Variants in ASTN2 observed in about 807,000 individuals in gnomAD.
ASTN2 encodes astrotactin-2.
In ASTN2, 54 loss-of-function variants were observed where a neutral mutation model predicts 139.8. The observed-to-expected ratio is 0.39, with a 90% CI of 0.31 to 0.48. The LOEUF is 0.48. Ranked by LOEUF, ASTN2 falls within the 20% of genes least tolerant of loss-of-function variation. ASTN2 has a pLI of 0.95. For missense variants in ASTN2, 1,565 were observed against 1,725.1 expected (o/e 0.91, Z 1.64); for synonymous variants, 756 against 719.5 (o/e 1.05, Z -0.81).
chr9:117,087,208 A>T (rs1054295650), intron 5 of ASTN2, among the ~76,000 whole-genome samples: 2 of 144,832 alleles, frequency 1.4e-5, no homozygotes, highest in African/African-American at 5.2e-5. Flanking sequence ...TTCCTTTTTC[A>T]TTTTTTTCTT....
chr9:116,737,992 AC>A (rs1054068976), intron 13 of ASTN2, among the ~76,000 whole-genome samples: 14 of 151,604 alleles, frequency 9.2e-5, no homozygotes, highest in African/African-American at 3.2e-4. Context: ...GGAGATCGAG[AC>A]CATCCTGGCT....
rs1435093218 is a variant in ASTN2 at position 116,699,482 on chromosome 9, C to G, written c.2806+26289G>C. 1 of 1,614,184 alleles carries G rather than the reference C, an allele frequency of 6.2e-7. No homozygotes were observed. ...ATGAGGATTTCCGCTGCATTGCTGG[C>G]ATGTGTGTGGATGCTCGTGGTGATC... is the stretch of plus-strand genomic sequence containing the variant. On this transcript the variant is annotated intron_variant, in intron 16 of 22. Coordinates refer to ENST00000313400, the MANE Select transcript of ASTN2 (RefSeq NM_001365068.1). This position sits in a 1 kb window ranked among gnomAD's most constrained non-coding sequence, Gnocchi z 4.2.
intron 5 of ASTN2, among the ~76,000 whole-genome samples, chr9:117,087,909 A>T (rs532149309): frequency 2.0e-5 from 3 of 152,336 alleles, no homozygotes; most frequent in African/African-American, 7.2e-5. Flanking sequence ...ATTACTGGAA[A>T]TAATTTCAAC....
At chr9:116,647,685 C>T (rs995518580) in intron 17 of ASTN2, among the ~76,000 whole-genome samples, 3 of 152,274 alleles carry the variant, frequency 2.0e-5, no homozygotes, top group Admixed American at 6.5e-5. Flanking sequence ...CCAGAAAGGC[C>T]GTCACTGGAG....
chr9:117,019,284 A>G lies in ASTN2; in HGVS notation c.1424-11025T>C, dbSNP rs547034536. On this transcript the variant is annotated intron_variant, in intron 6 of 22. Transcript: ENST00000313400. ...TACATCGTCATGACATTTTCAGGAG[A>G]TATTTTCTGGAAATTGGACAATAAT... Among the ~76,000 whole-genome samples the G allele has an allele frequency of 2.0e-5, 3 of 152,208 alleles. No individual in the cohort carries two copies. The East Asian group carries it at 5.8e-4, about 29-fold the overall frequency.
intron 12 of ASTN2, among the ~76,000 whole-genome samples, chr9:116,813,703 A>C (rs1245421696): frequency 6.6e-6 from 1 of 152,178 alleles, no homozygotes; most frequent in Non-Finnish European, 1.5e-5. Flanking sequence ...ATATCCTAGA[A>C]ACTTTTTGAA....
At chr9:116,517,317 T>G (rs1446759672) in intron 19 of ASTN2, among the ~76,000 whole-genome samples, 1 of 152,228 alleles carries the variant, frequency 6.6e-6, no homozygotes, top group Admixed American at 6.5e-5. Flanking sequence ...TGCCAAGACC[T>G]GAAGACAGAT....
At chr9:116,632,191 A>AGAGAGG (rs1856803694) in intron 17 of ASTN2, among the ~76,000 whole-genome samples, 3 of 20,882 alleles carry the variant, frequency 1.4e-4, no homozygotes, top group East Asian at 2.1e-3. Flanking sequence ...AGAGGGAGAG[A>AGAGAGG]GAGAGAAAGA....
intron 3 of ASTN2, among the ~76,000 whole-genome samples, chr9:117,195,849 G>A (rs116735390): frequency 0.01 from 1,561 of 152,196 alleles, 24 homozygotes; most frequent in African/African-American, 0.036. Flanking sequence ...GGGACCACTC[G>A]AAACACTCCC....
At chr9:116,679,912 G>C (rs931595174) in intron 16 of ASTN2, among the ~76,000 whole-genome samples, 1 of 152,152 alleles carries the variant, frequency 6.6e-6, no homozygotes, top group Non-Finnish European at 1.5e-5. Flanking sequence ...ATGCCCATAA[G>C]AGAAAGCAGG....
chr9:117,296,236 C>T (rs1227645018), intron 1 of ASTN2, among the ~76,000 whole-genome samples: 1 of 125,768 alleles, frequency 8.0e-6, no homozygotes, highest in Non-Finnish European at 1.6e-5. Flanking sequence ...TGAGATGGTG[C>T]CACTGCACTT....
chr9:117,188,266 G>A (rs1263148442), intron 3 of ASTN2, among the ~76,000 whole-genome samples: 3 of 151,792 alleles, frequency 2.0e-5, no homozygotes, highest in African/African-American at 4.8e-5. Flanking sequence ...TCAATATGTC[G>A]AAATTAGTGA....
At chr9:117,181,602 C>G (rs894450802) in intron 3 of ASTN2, among the ~76,000 whole-genome samples, 1 of 152,152 alleles carries the variant, frequency 6.6e-6, no homozygotes, top group African/African-American at 2.4e-5. Context: ...AACACAGACT[C>G]TGGAGTCAGA....
intron 3 of ASTN2, among the ~76,000 whole-genome samples, chr9:117,185,224 A>G (rs1332697371): frequency 2.0e-5 from 3 of 152,206 alleles, no homozygotes; most frequent in Non-Finnish European, 4.4e-5. Context: ...AGTGCTATAT[A>G]TGAAAAGAAT....
At chr9:117,171,628 A>C (rs983702607) in intron 3 of ASTN2, among the ~76,000 whole-genome samples, 23 of 151,984 alleles carry the variant, frequency 1.5e-4, no homozygotes, top group African/African-American at 5.6e-4. Flanking sequence ...CGTGATAGTG[A>C]GTGAGATCTC....
At chr9:116,882,044 AT>A (rs1833462805) in intron 10 of ASTN2, among the ~76,000 whole-genome samples, 2 of 152,158 alleles carry the variant, frequency 1.3e-5, no homozygotes, top group Admixed American at 1.3e-4. Context: ...TTTTGGAACA[AT>A]AAAAGAATTA....
chr9:116,563,529 G>A (rs965487200), intron 19 of ASTN2, among the ~76,000 whole-genome samples: 2 of 152,106 alleles, frequency 1.3e-5, no homozygotes, highest in Admixed American at 6.6e-5. Flanking sequence ...TCAAGGTCTT[G>A]CACTTGCTAT....
chr9:116,673,125 A>G (rs1859297917), intron 16 of ASTN2, among the ~76,000 whole-genome samples: 1 of 152,230 alleles, frequency 6.6e-6, no homozygotes, highest in Non-Finnish European at 1.5e-5. Flanking sequence ...CACCCAAGTA[A>G]CCAATGGAAT....
chr9:117,347,375 C>T (rs1224629244), intron 1 of ASTN2, among the ~76,000 whole-genome samples: 3 of 152,032 alleles, frequency 2.0e-5, no homozygotes, highest in Non-Finnish European at 2.9e-5. Context: ...GCTCTCACCA[C>T]CACCTGGGAG....
Sources: gnomAD v4.1 joint callset for allele counts (sites outside exome capture counted in the v4.1 genomes callset) on GRCh38, gnomAD v4.1.1 for gene constraint, Gnocchi (gnomAD v3.1) non-coding constraint, MANE v1.5 for transcripts, NCBI Gene and HGNC (gene_info 2026-07-23, HGNC 2026-07-21) for gene names.